The following CASK variants were observed in gnomAD, a reference collection of about 807,000 sequenced individuals.
The protein encoded by CASK is calcium/calmodulin dependent serine protein kinase, also known as peripheral plasma membrane protein CASK.
A neutral mutation model predicts 82.9 loss-of-function variants in CASK; 4 were observed. That is an observed-to-expected ratio of 0.05 (90% CI 0.02 to 0.11). The LOEUF is 0.11. Among genes scored for constraint, CASK ranks in the 10% least tolerant of loss-of-function variants. The pLI is 1.00. For missense variants in CASK, 358 were observed against 720.9 expected (o/e 0.50, Z 5.76); for synonymous variants, 259 against 253.5 (o/e 1.02, Z -0.20).
At chrX:41,875,189 T>C (rs967604549) in intron 1 of CASK, among the ~76,000 whole-genome samples, 4 of 112,235 alleles carry the variant, frequency 3.6e-5, no homozygotes, top group African/African-American at 1.3e-4. Flanking sequence ...AAATTCTGCA[T>C]TATATATTTG....
intron 12 of CASK, among the ~76,000 whole-genome samples, chrX:41,603,895 G>C (rs1050656654): frequency 9.0e-6 from 1 of 111,434 alleles, no homozygotes; most frequent in Non-Finnish European, 1.9e-5. Flanking sequence ...TATTTTAATA[G>C]GAAAATTTAT....
chrX:41,805,732 T>A (rs1460356731), intron 2 of CASK, among the ~76,000 whole-genome samples: 1 of 110,829 alleles, frequency 9.0e-6, no homozygotes, highest in East Asian at 2.8e-4. Context: ...AGCCAAATGA[T>A]AACATGGATA....
intron 9 of CASK, among the ~76,000 whole-genome samples, chrX:41,629,595 T>C (rs2066432170): frequency 1.8e-5 from 2 of 111,919 alleles, no homozygotes; most frequent in South Asian, 7.4e-4. Context: ...CAATTTTTTT[T>C]CTGTAAATAA....
At chrX:41,584,112 T>C (rs2065621349) in intron 14 of CASK, 1 of 112,469 alleles carries the variant, frequency 8.9e-6, no homozygotes, top group Non-Finnish European at 1.9e-5. Context: ...GCCTAACCTA[T>C]CTGCAAACGG....
intron 2 of CASK, among the ~76,000 whole-genome samples, chrX:41,824,829 G>T (rs1211280622): frequency 9.0e-6 from 1 of 111,526 alleles, no homozygotes; most frequent in Non-Finnish European, 1.9e-5. Flanking sequence ...CAGGAGGAAG[G>T]CCAAACCTCT....
chrX:41,541,937 A>G (rs2064951016), intron 22 of CASK, among the ~76,000 whole-genome samples: 1 of 111,900 alleles, frequency 8.9e-6, no homozygotes, highest in Non-Finnish European at 1.9e-5. Context: ...CCTGTGTATC[A>G]CCATGCATTT....
At chrX:41,796,621 C>G (rs2069859911) in intron 2 of CASK, among the ~76,000 whole-genome samples, 2 of 112,115 alleles carry the variant, frequency 1.8e-5, no homozygotes, top group South Asian at 7.4e-4. Context: ...AATAAGGACA[C>G]TAGTTAAGAA....
chrX:41,581,605 T>TA (rs1043322845), intron 14 of CASK, among the ~76,000 whole-genome samples: 1 of 110,236 alleles, frequency 9.1e-6, no homozygotes, highest in Non-Finnish European at 1.9e-5. Flanking sequence ...CTTGGCATAA[T>TA]AAAAAAATTG....
At chrX:41,586,153 A>C (rs1602305081) in intron 14 of CASK, 1 of 112,120 alleles carries the variant, frequency 8.9e-6, no homozygotes, top group African/African-American at 3.2e-5. Context: ...CCATCTCAAA[A>C]GTAAATAAAT....
chrX:41,598,730 G>T (rs1202877137), intron 12 of CASK, among the ~76,000 whole-genome samples: 1 of 111,690 alleles, frequency 9.0e-6, no homozygotes, highest in Non-Finnish European at 1.9e-5. Flanking sequence ...GATATTACAA[G>T]TTACAAAAAG....
At chrX:41,673,840 T>TG (rs2067229335) in intron 5 of CASK, among the ~76,000 whole-genome samples, 1 of 103,696 alleles carries the variant, frequency 9.6e-6, no homozygotes, top group Non-Finnish European at 2.0e-5. Context: ...TTTTTTTTTT[T>TG]TTTTTTTTTT....
At chrX:41,835,035 T>G (rs948829998) in intron 2 of CASK, among the ~76,000 whole-genome samples, 1 of 112,106 alleles carries the variant, frequency 8.9e-6, no homozygotes, top group Non-Finnish European at 1.9e-5. Flanking sequence ...AATTCCTGTC[T>G]TTATCTATTT....
At chrX:41,679,943 C>T (rs1267667798) in intron 5 of CASK, among the ~76,000 whole-genome samples, 1 of 111,462 alleles carries the variant, frequency 9.0e-6, no homozygotes, top group Non-Finnish European at 1.9e-5. Flanking sequence ...GGTGCGGTGG[C>T]TCATGCCTGT....
chrX:41,623,396 A>AT (rs2066316562), intron 10 of CASK, among the ~76,000 whole-genome samples: 1 of 111,814 alleles, frequency 8.9e-6, no homozygotes, highest in African/African-American at 3.3e-5. Flanking sequence ...ATTTTCCTAA[A>AT]TGCATAGAGT....
chrX:41,572,085 C>CT (rs755117126), intron 15 of CASK, among the ~76,000 whole-genome samples: 72 of 98,427 alleles, frequency 7.3e-4, no homozygotes, highest in South Asian at 6.8e-3. Flanking sequence ...TATCTTCTTA[C>CT]TTTTTTTTTT....
chrX:41,714,373 G>A (rs1429068421), intron 5 of CASK, among the ~76,000 whole-genome samples: 3 of 111,908 alleles, frequency 2.7e-5, no homozygotes, highest in Non-Finnish European at 5.6e-5. Flanking sequence ...ATTAAGGTAA[G>A]TTGGTACATT....
intron 5 of CASK, among the ~76,000 whole-genome samples, chrX:41,717,308 A>G (rs968161739): frequency 1.8e-5 from 2 of 112,090 alleles, no homozygotes; most frequent in African/African-American, 6.5e-5. Context: ...TTTTTGCGGG[A>G]GTGCTGATTT....
At chrX:41,623,090 C>T (rs1013961928) in intron 10 of CASK, among the ~76,000 whole-genome samples, 13 of 110,105 alleles carry the variant, frequency 1.2e-4, no homozygotes, top group Non-Finnish European at 1.7e-4. Context: ...GACGGGGTTT[C>T]GCCATTTTGG....
At chrX:41,834,388 C>T (rs2070890727) in intron 2 of CASK, among the ~76,000 whole-genome samples, 2 of 111,826 alleles carry the variant, frequency 1.8e-5, no homozygotes, top group Non-Finnish European at 1.9e-5. Flanking sequence ...ATCAACTTTA[C>T]GAAGAGTATA....
Sources: allele counts gnomAD v4.1 joint callset (sites outside exome capture counted in the v4.1 genomes callset), GRCh38; gene constraint gnomAD v4.1.1; transcripts MANE v1.5; gene names NCBI Gene and HGNC (gene_info 2026-07-23, HGNC 2026-07-21).